Variants in MEF2C observed in about 807,000 individuals in gnomAD.
MEF2C encodes the protein myocyte-specific enhancer factor 2C.
In MEF2C, 6 loss-of-function variants were observed where a neutral mutation model predicts 50.5. The ratio of observed to expected loss-of-function variants is 0.12; its 90% CI spans 0.07 to 0.23. The LOEUF (loss-of-function observed/expected upper bound fraction) is 0.23. Among genes scored for constraint, MEF2C ranks in the 10% least tolerant of loss-of-function variants. The pLI, the probability that MEF2C is intolerant of heterozygous loss-of-function variation, is 1.00. For synonymous variants in MEF2C, 183 were observed against 228.0 expected (o/e 0.80, Z 1.78); for missense variants, 276 against 605.0 (o/e 0.46, Z 5.70).
At chr5:88,750,043 T>C (rs112117541) in intron 5 of MEF2C, 86 of 451,676 alleles carry the variant, frequency 1.9e-4, no homozygotes, top group Middle Eastern at 2.4e-3. Context: ...AAAAAAAAAA[T>C]TACTTTTAGT....
At chr5:88,734,565 G>GTTTGTT (rs1763130990) in intron 6 of MEF2C, 48 of 541,900 alleles carry the variant, frequency 8.9e-5, no homozygotes, top group South Asian at 1.0e-4. Flanking sequence ...AGAAAAGTTT[G>GTTTGTT]TTTTTTTTTT....
At chr5:88,851,268 T>G (rs556212301) in intron 1 of MEF2C, among the ~76,000 whole-genome samples, 176 of 148,410 alleles carry the variant, frequency 1.2e-3, no homozygotes, top group Admixed American at 2.1e-3. Context: ...CAGTATATAA[T>G]ACATATAACA....
rs1036958100 is a variant in MEF2C, at chr5:88,744,061, C to T, written c.637+5009G>A. The T allele has an allele frequency of 4.1e-6, 4 of 978,116 alleles. No homozygotes were observed. The African/African-American group carries it at 7.0e-5, about 17-fold the overall frequency. 60.6% of individuals were successfully genotyped at this position (978,116 alleles called of 1,614,324 possible). A position where few individuals can be genotyped will look rare whatever the true frequency, so the allele number is the denominator to read the frequency against. The stretch of plus-strand genomic sequence containing the variant: ...TTTGATCTCAACTATGAATCAATAA[C>T]TCCTTGAGCATACTGGTCCTTTCTA... On this transcript the variant is annotated intron_variant, in intron 6 of 10. Transcript: ENST00000504921.
intron 1 of MEF2C, among the ~76,000 whole-genome samples, chr5:88,873,195 C>T (rs1025521472): frequency 6.6e-6 from 1 of 151,954 alleles, no homozygotes; most frequent in African/African-American, 2.4e-5. Flanking sequence ...ATGTTTGCAA[C>T]GAATATACCA....
At chr5:88,875,661 T>C (rs539443191) in intron 1 of MEF2C, among the ~76,000 whole-genome samples, 23 of 152,104 alleles carry the variant, frequency 1.5e-4, no homozygotes, top group Middle Eastern at 3.4e-3. Context: ...GTTAATGTCT[T>C]AGTAATTTAA....
At position 88,721,892 on chromosome 5, in the gene MEF2C, C is replaced by T. The variant is rs1756457636; in HGVS notation, c.*712G>A. 2 of 152,642 alleles carry T rather than the reference C, an allele frequency of 1.3e-5. No homozygotes were observed. The highest frequency in any genetic ancestry group is 1.3e-4 in the Admixed American group (2 of 15,288). 9.5% of individuals were successfully genotyped at this position (152,642 alleles called of 1,614,324 possible). ...CAAATGCTTTGCAAACTCTGTCTTA[C>T]CTTTTATATGAAAATAAGCAAAATG... On this transcript the variant is annotated 3_prime_UTR_variant, in exon 11 of 11. Coordinates refer to ENST00000504921, the MANE Select transcript of MEF2C (RefSeq NM_002397.5).
At chr5:88,819,010 C>T (rs1806974272) in intron 2 of MEF2C, among the ~76,000 whole-genome samples, 1 of 151,896 alleles carries the variant, frequency 6.6e-6, no homozygotes, top group South Asian at 2.1e-4. Context: ...GTCTTAAAGA[C>T]CTAATGAGAA....
intron 1 of MEF2C, chr5:88,824,190 A>G: frequency 2.1e-6 from 2 of 957,154 alleles, no homozygotes; most frequent in Non-Finnish European, 2.5e-6. Flanking sequence ...TTTAAAGACT[A>G]ACACTTGAAA....
intron 1 of MEF2C, among the ~76,000 whole-genome samples, chr5:88,879,682 G>T (rs895238611): frequency 2.6e-5 from 4 of 152,020 alleles, no homozygotes; most frequent in Non-Finnish European, 5.9e-5. Context: ...ATAAAGAAAT[G>T]ATGGAACTTA....
chr5:88,806,355 T>G (rs1274037974), intron 2 of MEF2C, among the ~76,000 whole-genome samples: 3 of 152,186 alleles, frequency 2.0e-5, no homozygotes. Context: ...ATGCATGTCC[T>G]CCAGTTCCAC....
chr5:88,719,817 C>T lies in MEF2C; in HGVS notation c.*2787G>A, dbSNP rs1478961545. 1 of 152,154 alleles carries T rather than the reference C, an allele frequency of 6.6e-6. No homozygotes were observed. The highest frequency in any genetic ancestry group is 2.4e-5 in the African/African-American group (1 of 41,448). 9.4% of individuals were successfully genotyped at this position (152,154 alleles called of 1,614,324 possible). On this transcript the variant is annotated 3_prime_UTR_variant, in exon 11 of 11. Coordinates refer to ENST00000504921, the MANE Select transcript of MEF2C (RefSeq NM_002397.5). ...ATCTTGCCACCACTTTATAAGAATT[C>T]AGTAGTGGGAACAAGAGATGACTGG...
intron 2 of MEF2C, among the ~76,000 whole-genome samples, chr5:88,815,274 T>C (rs1804795934): frequency 6.6e-6 from 1 of 152,082 alleles, no homozygotes; most frequent in Non-Finnish European, 1.5e-5. Context: ...TTTCCTGTCA[T>C]AACAGGAAGA....
intron 6 of MEF2C, chr5:88,736,062 T>C: frequency 2.0e-6 from 2 of 985,408 alleles, no homozygotes. Flanking sequence ...CAAACTGTCA[T>C]CTTCTATTAT....
chr5:88,890,003 G>A (rs570788987), intron 1 of MEF2C, among the ~76,000 whole-genome samples: 2 of 152,298 alleles, frequency 1.3e-5, no homozygotes, highest in East Asian at 3.9e-4. Flanking sequence ...GGCTCTGCAG[G>A]TCTAGCCGCC....
chr5:88,734,560 AGTTT>A (rs767752151), intron 6 of MEF2C: 104 of 535,302 alleles, frequency 1.9e-4, no homozygotes, highest in South Asian at 2.7e-4. Context: ...CCTTGAGAAA[AGTTT>A]GTTTTTTTTT....
At chr5:88,888,759 A>G (rs566061088) in intron 1 of MEF2C, 1 of 151,392 alleles carries the variant, frequency 6.6e-6, no homozygotes, top group African/African-American at 2.4e-5. Context: ...AAATTATGAT[A>G]CATTTCTTTC....
At chr5:88,752,599 A>G in intron 4 of MEF2C, 1 of 984,034 alleles carries the variant, frequency 1.0e-6, no homozygotes, top group Non-Finnish European at 1.2e-6. Flanking sequence ...TACAAGATTC[A>G]ACAGAGCATG....
At chr5:88,888,025 T>C (rs956952576), upstream of MEF2C, 3 of 152,238 alleles carry the variant, frequency 2.0e-5, no homozygotes, top group African/African-American at 7.2e-5. Flanking sequence ...CTAACACAAT[T>C]TGTCAAATCG....
At chr5:88,838,156 TACTTAAA>T (rs1194357582) in intron 1 of MEF2C, among the ~76,000 whole-genome samples, 3 of 152,060 alleles carry the variant, frequency 2.0e-5, no homozygotes, top group Non-Finnish European at 4.4e-5. Flanking sequence ...TTCAAGGGAG[TACTTAAA>T]ACTTAAAATT....
Sources: allele counts gnomAD v4.1 joint callset (sites outside exome capture counted in the v4.1 genomes callset), GRCh38; gene constraint gnomAD v4.1.1; transcripts MANE v1.5; gene names NCBI Gene and HGNC (gene_info 2026-07-23, HGNC 2026-07-21).